ZNF423: variants seen among roughly 807,000 people sequenced by gnomAD.
The protein encoded by ZNF423 is zinc finger protein 423.
ZNF423 carries 12 observed loss-of-function variants against 95.8 expected under a neutral mutation model. That is an observed-to-expected ratio of 0.13 (90% CI 0.08 to 0.20). ZNF423 has a LOEUF of 0.20. Among genes scored for constraint, ZNF423 ranks in the 10% least tolerant of loss-of-function variants. The pLI is 1.00. For synonymous variants in ZNF423, 749 were observed against 711.9 expected, an observed-to-expected ratio of 1.05 and a Z score of -0.83; for missense variants, 1,316 against 1,737.1, an observed-to-expected ratio of 0.76 and a Z score of 4.31.
Position 49,638,657 on chromosome 16 carries a change from C to T in ZNF423, c.519G>A (p.Pro173=), listed in dbSNP as rs374152933. Residue 173 remains proline, a synonymous_variant, in exon 4 of 8, where the codon CCG becomes CCA. Transcript: ENST00000563137. The surrounding 1 kb of genome is among the most constrained non-coding windows in gnomAD (Gnocchi z 5.6). ...GGCGGCTGCAGTAGGTGCACTTGAA[C>T]GGCAGCTTGTCGCTGTGGATCTGCT... ...RHEQIHSDKL[P]FKCTYCSRLF... is the part of the protein sequence containing the mutation. 94 of 1,613,922 alleles carry T rather than the reference C, an allele frequency of 5.8e-5. No homozygotes were observed. The highest frequency in any genetic ancestry group is 1.6e-4 in the Middle Eastern group (1 of 6,084).
chr16:49,847,146 G>A (rs977872799), intron 1 of ZNF423: 2 of 152,256 alleles, frequency 1.3e-5, no homozygotes, highest in African/African-American at 4.8e-5. Flanking sequence ...TTCAATTACA[G>A]AGAAAACAGG....
intron 3 of ZNF423, among the ~76,000 whole-genome samples, chr16:49,641,848 T>C (rs530185453): frequency 3.3e-5 from 5 of 152,242 alleles, no homozygotes; most frequent in African/African-American, 7.2e-5. Context: ...AGGCTGGAGA[T>C]GGGAGCAGGG....
At chr16:49,608,180 G>C (rs1201145331) in intron 5 of ZNF423, among the ~76,000 whole-genome samples, 1 of 152,190 alleles carries the variant, frequency 6.6e-6, no homozygotes. Flanking sequence ...GATAAAACCA[G>C]AGTGAGAAGG....
intron 5 of ZNF423, among the ~76,000 whole-genome samples, chr16:49,617,740 C>T (rs547151302): frequency 6.6e-6 from 1 of 152,172 alleles, no homozygotes; most frequent in Non-Finnish European, 1.5e-5. Flanking sequence ...GCCTGGAACC[C>T]GGAAAGTCCA....
intron 1 of ZNF423, among the ~76,000 whole-genome samples, chr16:49,813,897 C>T (rs573154787): frequency 2.6e-5 from 4 of 152,326 alleles, no homozygotes; most frequent in African/African-American, 9.6e-5. Flanking sequence ...GGTCCACATC[C>T]GCCCCCCAAC....
Position 49,745,710 on chromosome 16 carries a change from G to C in ZNF423, c.101-14739C>G, listed in dbSNP as rs144927458. Among the ~76,000 whole-genome samples, 726 of 152,200 alleles carry C rather than the reference G, an allele frequency of 4.8e-3. 7 individuals carry two copies. Among genetic ancestry groups the C allele is most frequent in the African/African-American group, 0.016 (680 of 41,504 alleles). On this transcript the variant is annotated intron_variant, in intron 2 of 7. Coordinates refer to ENST00000563137, the MANE Select transcript of ZNF423 (RefSeq NM_001379286.1). The stretch of plus-strand genomic sequence containing the variant: ...ACAATAGGGAGAGAGGAGGTGGCAG[G>C]GTGTCTATTAAATGCTAACTCGTGT...
chr16:49,843,887 C>T (rs534715150), intron 1 of ZNF423, among the ~76,000 whole-genome samples: 4 of 152,178 alleles, frequency 2.6e-5, no homozygotes, highest in Non-Finnish European at 5.9e-5. Flanking sequence ...GGTGGCTGAT[C>T]CCTGGCCAGG....
chr16:49,661,284 G>A (rs1029530457), intron 3 of ZNF423, among the ~76,000 whole-genome samples: 9 of 150,864 alleles, frequency 6.0e-5, no homozygotes, highest in Admixed American at 1.3e-4. Context: ...ATATTTTTCC[G>A]GGAAAACACC....
rs550846452 is a variant in ZNF423, at chr16:49,747,510, G to T, written c.101-16539C>A. On this transcript the variant is annotated intron_variant, in intron 2 of 7. Coordinates refer to ENST00000563137, the MANE Select transcript of ZNF423 (RefSeq NM_001379286.1). Reference sequence around the variant, plus strand: ...AATATCACATATCTCCAGAAGCAAGGCATACAGGGAAGTGATGAATGCCAA... The same window carrying T: ...AATATCACATATCTCCAGAAGCAAGTCATACAGGGAAGTGATGAATGCCAA... 4.6e-5 allele frequency among the ~76,000 whole-genome samples: 7 copies of T among 152,284 alleles called. No homozygotes were observed. In the East Asian group the frequency reaches 1.3e-3, roughly 29 times the overall value.
At chr16:49,525,320 T>G in intron 6 of ZNF423, 43 bp downstream of exon 6, 1 of 1,608,590 alleles carries the variant, frequency 6.2e-7, no homozygotes, top group East Asian at 2.2e-5. Context: ...AGGGCTCCTG[T>G]GTTCATCTCT....
rs770110323 is a variant in ZNF423, at chr16:49,789,535, C to G, written c.52G>C (p.Glu18Gln). Residue 18 changes from glutamate to glutamine, a missense_variant, in exon 2 of 8, where the codon GAG becomes CAG. Physicochemically the swap from Glu to Gln is conservative, Grantham distance 29. Coordinates refer to ENST00000563137, the MANE Select transcript of ZNF423 (RefSeq NM_001379286.1). ...KPRSVKVEEG[E>Q]ASDFSLAWDS... Reference sequence around the variant, plus strand: ...CAGGCCAGCGAGAAGTCTGAGGCCTCCCCCTCTTCAACTGAAAGAGAGAAC... The same window carrying G: ...CAGGCCAGCGAGAAGTCTGAGGCCTGCCCCTCTTCAACTGAAAGAGAGAAC... 5.0e-6 allele frequency: 8 copies of G among 1,611,948 alleles called. No individual in the cohort carries two copies. In the Middle Eastern group the frequency reaches 5.0e-4, roughly 100 times the overall value.
At chr16:49,833,886 C>G (rs1050708907) in intron 1 of ZNF423, among the ~76,000 whole-genome samples, 15 of 152,300 alleles carry the variant, frequency 9.8e-5, no homozygotes, top group African/African-American at 3.4e-4. Context: ...GCTCCTGGAT[C>G]CTGGCTCTTG....
At chr16:49,710,592 A>C (rs2032512619) in intron 3 of ZNF423, among the ~76,000 whole-genome samples, 1 of 152,184 alleles carries the variant, frequency 6.6e-6, no homozygotes, top group Admixed American at 6.5e-5. Flanking sequence ...CATCCTGGTG[A>C]GATGGCACAG....
rs189188287 is a variant in ZNF423, at chr16:49,660,169, G to T, written c.302-21295C>A. Among the ~76,000 whole-genome samples, 6 of 152,288 alleles carry T rather than the reference G, an allele frequency of 3.9e-5. No homozygotes were observed. The East Asian group carries it at 1.2e-3, about 29-fold the overall frequency. ...TTCCTGGATCCCTGGATCCCTGGGA[G>T]CCCCCACAAGGTGCCTGGCAATAAC... On this transcript the variant is annotated intron_variant, in intron 3 of 7. Transcript: ENST00000563137.
At position 49,558,370 on chromosome 16, in the gene ZNF423, T is replaced by C. The variant is rs182016113; in HGVS notation, c.3602-32876A>G. ...TAGCTAGTATTAAGATGTTTACTTG[T>C]TGGGGGCAAGGAGAGAAAGTTCCAT... is the stretch of plus-strand genomic sequence containing the variant. On this transcript the variant is annotated intron_variant, in intron 5 of 7. Transcript: ENST00000563137. 6.0e-4 allele frequency among the ~76,000 whole-genome samples: 91 copies of C among 152,306 alleles called. 1 individual carries two copies. Among genetic ancestry groups the C allele is most frequent in the African/African-American group, 2.1e-3 (87 of 41,572 alleles).
intron 5 of ZNF423, among the ~76,000 whole-genome samples, chr16:49,545,017 C>T (rs779488381): frequency 2.6e-5 from 4 of 152,198 alleles, no homozygotes; most frequent in Admixed American, 1.3e-4. Context: ...GGGCCGGTGC[C>T]GTTATTATTC....
intron 4 of ZNF423, among the ~76,000 whole-genome samples, chr16:49,634,400 G>T (rs1356594100): frequency 2.6e-5 from 4 of 152,042 alleles, no homozygotes; most frequent in Non-Finnish European, 4.4e-5. Flanking sequence ...TCCACGGACG[G>T]GTCCCCTGGC....
intron 2 of ZNF423, among the ~76,000 whole-genome samples, chr16:49,782,610 G>A (rs1238632176): frequency 1.3e-5 from 2 of 152,140 alleles, no homozygotes; most frequent in Admixed American, 6.5e-5. Context: ...TACCTAACCT[G>A]CCCAGGCATT....
chr16:49,536,409 T>C (rs759137590), intron 5 of ZNF423, among the ~76,000 whole-genome samples: 90 of 151,154 alleles, frequency 6.0e-4, no homozygotes, highest in Non-Finnish European at 1.3e-3. Context: ...ACTGGCCACC[T>C]GTGGCTCTTT....
Sources: gnomAD v4.1 joint callset for allele counts (sites outside exome capture counted in the v4.1 genomes callset) on GRCh38, gnomAD v4.1.1 for gene constraint, Gnocchi (gnomAD v3.1) non-coding constraint, MANE v1.5 for transcripts, NCBI Gene and HGNC (gene_info 2026-07-23, HGNC 2026-07-21) for gene names.